Variants in GFRAL observed in about 807,000 individuals in gnomAD.
GFRAL encodes the protein GDNF family receptor alpha-like.
Under a neutral mutation model 45.4 loss-of-function variants are expected in GFRAL, and 36 were observed. The observed-to-expected ratio is 0.79, with a 90% CI of 0.61 to 1.05. The LOEUF (loss-of-function observed/expected upper bound fraction) is 1.05, where lower values mean the gene tolerates loss of function less well. Ranked by LOEUF, GFRAL falls within the 50% of genes least tolerant of loss-of-function variation. The pLI is 0.00. For synonymous variants in GFRAL, 166 were observed against 154.1 expected, an observed-to-expected ratio of 1.08 and a Z score of -0.57; for missense variants, 507 against 467.5, an observed-to-expected ratio of 1.08 and a Z score of -0.78.
At chr6:55,363,487 G>T (rs547315537) in intron 6 of GFRAL, among the ~76,000 whole-genome samples, 1 of 149,328 alleles carries the variant, frequency 6.7e-6, no homozygotes, top group African/African-American at 2.5e-5. Flanking sequence ...TGCACATTGT[G>T]CAGGTTAGTT....
intron 8 of GFRAL, 151 bp downstream of exon 8, chr6:55,399,592 C>A: frequency 1.7e-6 from 1 of 588,930 alleles, no homozygotes; most frequent in East Asian, 2.8e-5. Context: ...GGCATAGGTC[C>A]ATGGAAACGT....
At chr6:55,391,885 A>G (rs1324023884) in intron 6 of GFRAL, among the ~76,000 whole-genome samples, 1 of 152,124 alleles carries the variant, frequency 6.6e-6, no homozygotes, top group Non-Finnish European at 1.5e-5. Context: ...TTTCTAATGA[A>G]AATCTCTGTT....
intron 6 of GFRAL, among the ~76,000 whole-genome samples, chr6:55,370,245 C>G (rs1768433394): frequency 6.6e-6 from 1 of 151,894 alleles, no homozygotes; most frequent in Non-Finnish European, 1.5e-5. Context: ...TTAAGTGTCT[C>G]TCAACATCAC....
rs992432305 is a variant in GFRAL at position 55,333,849 on chromosome 6, T to C, written c.221T>C (p.Val74Ala). Residue 74 changes from valine (V) to alanine (A), a missense_variant, in exon 3 of 9, where the codon GTG (valine) becomes GCG (alanine). By Grantham distance (64) the Val-to-Ala change is moderately conservative. Coordinates refer to ENST00000340465, the MANE Select transcript of GFRAL (RefSeq NM_207410.2). ...TGTAACCTGAGTATCCAGTACTTAG[T>C]GGAAAGCAATTTCCAATTTAAAGAG... ...SYCNLSIQYLVESNFQFKECL... is the reference protein window; with the variant it reads ...SYCNLSIQYLAESNFQFKECL... 6.2e-7 allele frequency: 1 copy of C among 1,611,130 alleles called. No homozygotes were observed. Among genetic ancestry groups the C allele is most frequent in the Non-Finnish European group, 8.5e-7 (1 of 1,178,244 alleles).
chr6:55,382,510 G>T (rs938183686), intron 6 of GFRAL, among the ~76,000 whole-genome samples: 1 of 151,890 alleles, frequency 6.6e-6, no homozygotes, highest in Admixed American at 6.6e-5. Flanking sequence ...GGAAAAGTCA[G>T]TGTATTTAAC....
At chr6:55,369,419 C>G (rs11757181) in intron 6 of GFRAL, among the ~76,000 whole-genome samples, 12 of 152,160 alleles carry the variant, frequency 7.9e-5, no homozygotes, top group South Asian at 2.1e-4. Context: ...CGCTCAGGCT[C>G]GGAGCTGTAG....
chr6:55,331,819 A>C lies in GFRAL; in HGVS notation c.127A>C (p.Arg43=), dbSNP rs1767833224. 3 of 1,611,430 alleles carry C rather than the reference A, an allele frequency of 1.9e-6. No individual in the cohort carries two copies. Residue 43 remains arginine (R), a synonymous_variant, in exon 2 of 9, where the codon AGA becomes CGA. Coordinates refer to ENST00000340465, the MANE Select transcript of GFRAL (RefSeq NM_207410.2). ...RDANGCKHAW[R]VMEDACNDSD... ...TGCAAATGGATGTAAACATGCTTGGAGAGTAATGGAAGATGCCTGCAATGA... is the reference window on the plus strand; with the variant it reads ...TGCAAATGGATGTAAACATGCTTGGCGAGTAATGGAAGATGCCTGCAATGA...
At chr6:55,396,893 T>C (rs973997506) in intron 6 of GFRAL, among the ~76,000 whole-genome samples, 55 of 149,506 alleles carry the variant, frequency 3.7e-4, no homozygotes, top group African/African-American at 1.0e-3. Flanking sequence ...TTTTTTTTTT[T>C]CTGGAGTCAG....
chr6:55,399,568 A>G (rs1015245466), intron 8 of GFRAL, 127 bp downstream of exon 8: 4 of 645,224 alleles, frequency 6.2e-6, no homozygotes, highest in Non-Finnish European at 1.1e-5. Context: ...GACATATTAA[A>G]TCAAGTTTTA....
chr6:55,338,826 A>G (rs1172631004), intron 3 of GFRAL, among the ~76,000 whole-genome samples: 1 of 152,248 alleles, frequency 6.6e-6, no homozygotes, highest in East Asian at 1.9e-4. Flanking sequence ...TCAGCTATTT[A>G]TGAAAAGGAG....
intron 8 of GFRAL, 96 bp from the exon 9 acceptor site, chr6:55,401,694 C>A: frequency 1.3e-6 from 1 of 749,358 alleles, no homozygotes; most frequent in Non-Finnish European, 2.3e-6. Context: ...TTTTTTCCTC[C>A]AGGTGCAGAC....
chr6:55,374,904 G>A (rs1487545107), intron 6 of GFRAL, among the ~76,000 whole-genome samples: 1 of 152,026 alleles, frequency 6.6e-6, no homozygotes, highest in Non-Finnish European at 1.5e-5. Flanking sequence ...GCTTGTTTTT[G>A]CTAGGTTTGT....
chr6:55,350,607 A>G (rs966216600), intron 4 of GFRAL, among the ~76,000 whole-genome samples: 1 of 152,118 alleles, frequency 6.6e-6, no homozygotes, highest in Non-Finnish European at 1.5e-5. Context: ...AGGCTGAGGC[A>G]GGAGGATCAC....
intron 6 of GFRAL, among the ~76,000 whole-genome samples, chr6:55,380,951 G>T (rs1057462123): frequency 6.6e-6 from 1 of 151,898 alleles, no homozygotes; most frequent in Non-Finnish European, 1.5e-5. Context: ...AAAAGAATCA[G>T]GAATTAACAA....
chr6:55,327,626 C>A (rs1439023714), intron 1 of GFRAL, 50 bp downstream of exon 1: 2 of 1,525,394 alleles, frequency 1.3e-6, no homozygotes, highest in African/African-American at 1.4e-5. Flanking sequence ...AATACTAATT[C>A]TTTGTAAACT....
chr6:55,358,913 A>C lies in GFRAL; in HGVS notation c.727A>C (p.Lys243Gln), dbSNP rs1257934820. 1 of 1,612,596 alleles carries C rather than the reference A, an allele frequency of 6.2e-7. No individual in the cohort carries two copies. Among genetic ancestry groups the C allele is most frequent in the Non-Finnish European group, 8.5e-7 (1 of 1,178,982 alleles). The change falls in exon 6 of 9, where the codon AAA becomes CAA. Residue 243 changes from lysine to glutamine, a missense_variant. Physicochemically the swap from Lys to Gln is moderately conservative, Grantham distance 53. Transcript: ENST00000340465. ...CRRHYRTFQS[K>Q]CWQRVTRKCH... is the part of the protein sequence containing the mutation. ...GAGGCACTATAGAACATTTCAGTCA[A>C]AATGCTGGCAGCGTGTGACTAGAAA...
At position 55,359,049 on chromosome 6, in the gene GFRAL, A is replaced by C. The variant is rs757894081; in HGVS notation, c.863A>C (p.Gln288Pro). Residue 288 changes from glutamine to proline, a missense_variant, in exon 6 of 9, where the codon CAA (glutamine) becomes CCA (proline). Physicochemically the swap from Gln to Pro is moderately conservative, Grantham distance 76 (BLOSUM62 -1). Transcript: ENST00000340465. ...AYIDILGTVL[Q>P]VQCTCRTITQ... ...ATAGATATCCTTGGGACGGTCCTTC[A>C]AGTGCAATGTACCTGTAGGACCATT... is the stretch of plus-strand genomic sequence containing the variant. 6.2e-7 allele frequency: 1 copy of C among 1,612,898 alleles called. No homozygotes were observed. Among genetic ancestry groups the C allele is most frequent in the South Asian group, 1.1e-5 (1 of 91,056 alleles).
chr6:55,364,919 C>A (rs1332682667), intron 6 of GFRAL, among the ~76,000 whole-genome samples: 2 of 151,960 alleles, frequency 1.3e-5, no homozygotes, highest in African/African-American at 2.4e-5. Context: ...CTTGGTGATG[C>A]GGGCTCTTTT....
intron 5 of GFRAL, among the ~76,000 whole-genome samples, chr6:55,358,330 C>T (rs756670960): frequency 6.1e-4 from 92 of 151,930 alleles, no homozygotes; most frequent in Non-Finnish European, 1.0e-3. Context: ...AATTAGTGTA[C>T]ATTATCCAGA....
Sources: gnomAD v4.1 joint callset for allele counts (sites outside exome capture counted in the v4.1 genomes callset) on GRCh38, gnomAD v4.1.1 for gene constraint, MANE v1.5 for transcripts, NCBI Gene and HGNC (gene_info 2026-07-23, HGNC 2026-07-21) for gene names.